Variants in WDR11 observed in about 807,000 individuals in gnomAD.
WDR11 encodes WD repeat-containing protein 11.
WDR11 carries 83 observed loss-of-function variants against 151.2 expected under a neutral mutation model. The observed-to-expected ratio is 0.55, with a 90% CI of 0.46 to 0.66. The LOEUF (loss-of-function observed/expected upper bound fraction) is 0.66, where lower values mean the gene tolerates loss of function less well. WDR11 is among the 30% of genes least tolerant of loss of function. WDR11 has a pLI of 0.00. For missense variants in WDR11, 1,301 were observed against 1,480.9 expected, an observed-to-expected ratio of 0.88 and a Z score of 1.99; for synonymous variants, 484 against 533.1, an observed-to-expected ratio of 0.91 and a Z score of 1.27.
intron 25 of WDR11, 144 bp from the exon 26 acceptor site, chr10:120,905,174 AT>A (rs1847985890): frequency 2.5e-6 from 2 of 803,488 alleles, no homozygotes; most frequent in Non-Finnish European, 4.2e-6. Flanking sequence ...TCTTAATATT[AT>A]GTTTCAGAAT....
chr10:120,883,587 G>T (rs1847105716), intron 13 of WDR11, among the ~76,000 whole-genome samples, 193 bp from the exon 14 acceptor site: 1 of 152,126 alleles, frequency 6.6e-6, no homozygotes, highest in Non-Finnish European at 1.5e-5. Flanking sequence ...GTGTGAGACT[G>T]TATGTTCTCT....
At position 120,880,791 on chromosome 10, in the gene WDR11, A is replaced by T. The variant is rs754264840; in HGVS notation, c.1664-35A>T. ...CTTGTTTTTCATACATGTTTTATGC[A>T]CTGTTCTCACTTTTTTAAATATTTG... On this transcript the variant is annotated intron_variant, in intron 12 of 28. Transcript: ENST00000263461. The T allele has an allele frequency of 2.6e-6, 4 of 1,554,724 alleles. No individual in the cohort carries two copies. In the East Asian group the frequency reaches 7.0e-5, roughly 27 times the overall value.
At chr10:120,900,492 C>T (rs1484081601) in intron 20 of WDR11, among the ~76,000 whole-genome samples, 1 of 152,152 alleles carries the variant, frequency 6.6e-6, no homozygotes, top group Non-Finnish European at 1.5e-5. Context: ...TCATTAGCTT[C>T]AGGGATATAC....
At chr10:120,886,980 G>C (rs1246574902) in intron 16 of WDR11, 144 bp downstream of exon 16, 3 of 853,486 alleles carry the variant, frequency 3.5e-6, no homozygotes, top group Non-Finnish European at 5.6e-6. Context: ...GATTAAACTT[G>C]TTCCATACTG....
intron 27 of WDR11, 199 bp downstream of exon 27, chr10:120,906,220 G>A (rs1253998058): frequency 2.1e-6 from 3 of 1,457,202 alleles, no homozygotes; most frequent in Non-Finnish European, 2.7e-6. Flanking sequence ...AGCTATGCTA[G>A]TTTCCTACTA....
chr10:120,869,013 AAC>A (rs755363581), intron 9 of WDR11, among the ~76,000 whole-genome samples: 3 of 152,154 alleles, frequency 2.0e-5, no homozygotes, highest in Non-Finnish European at 1.5e-5. Context: ...AAGAATTATA[AAC>A]ACACACAAGA....
At chr10:120,869,592 A>G (rs1263956281) in intron 9 of WDR11, among the ~76,000 whole-genome samples, 1 of 152,166 alleles carries the variant, frequency 6.6e-6, no homozygotes, top group Non-Finnish European at 1.5e-5. Context: ...AATTCAGGTA[A>G]ATAAAGAGGC....
At chr10:120,886,241 A>C (rs1847212180) in intron 15 of WDR11, among the ~76,000 whole-genome samples, 1 of 152,150 alleles carries the variant, frequency 6.6e-6, no homozygotes, top group East Asian at 1.9e-4. Context: ...CTGAAATTCA[A>C]ATGAACATAG....
At chr10:120,891,250 G>C (rs893408607) in intron 19 of WDR11, among the ~76,000 whole-genome samples, 2 of 152,120 alleles carry the variant, frequency 1.3e-5, no homozygotes, top group South Asian at 4.1e-4. Flanking sequence ...TTTAATAATG[G>C]CCTTATGTCT....
At chr10:120,883,930 T>C (rs770701557) in intron 14 of WDR11, 42 bp downstream of exon 14, 3 of 1,496,986 alleles carry the variant, frequency 2.0e-6, no homozygotes, top group East Asian at 2.3e-5. Flanking sequence ...TTTAGGTATA[T>C]ATGTATGTGG....
chr10:120,906,046 G>A, intron 27 of WDR11, 25 bp downstream of exon 27: 1 of 1,612,820 alleles, frequency 6.2e-7, no homozygotes, highest in Non-Finnish European at 8.5e-7. Context: ...CACATGGGCT[G>A]CTCAGGCCTG....
At chr10:120,904,213 CTGT>C in intron 24 of WDR11, 71 bp downstream of exon 24, 11 of 1,144,872 alleles carry the variant, frequency 9.6e-6, no homozygotes, top group Non-Finnish European at 1.3e-5. Flanking sequence ...AGCAATATAT[CTGT>C]ATGTATATAT....
chr10:120,860,298 T>A lies in WDR11; in HGVS notation c.526+16T>A. 2 of 1,611,796 alleles carry A rather than the reference T, an allele frequency of 1.2e-6. No homozygotes were observed. Among genetic ancestry groups the A allele is most frequent in the Non-Finnish European group, 1.7e-6 (2 of 1,179,778 alleles). On this transcript the variant is annotated intron_variant, in intron 4 of 28. Transcript: ENST00000263461. Reference sequence around the variant, plus strand: ...CATTTAACTTGTGAGTAACAGTTGCTTGTGGAAAATGAGTTAAGTGAGATA... The same window carrying A: ...CATTTAACTTGTGAGTAACAGTTGCATGTGGAAAATGAGTTAAGTGAGATA...
intron 13 of WDR11, among the ~76,000 whole-genome samples, chr10:120,882,412 T>G (rs1255191813): frequency 3.3e-5 from 5 of 151,982 alleles, no homozygotes; most frequent in African/African-American, 1.2e-4. Context: ...TAAAGTATTC[T>G]CTCTCCTTTT....
Position 120,851,446 on chromosome 10 carries a change from A to G in WDR11, c.26A>G (p.Lys9Arg), listed in dbSNP as rs776071885. The stretch of plus-strand genomic sequence containing the variant: ...ATGTTGCCCTACACAGTGAACTTCA[A>G]GGTGTCGGCGCGCACCCTCACGGGG... MLPYTVNF[K>R]VSARTLTGAL... is the part of the protein sequence containing the mutation. Residue 9 changes from lysine (K) to arginine (R), a missense_variant, in exon 1 of 29, where the codon AAG (lysine) becomes AGG (arginine). By Grantham distance (26) the Lys-to-Arg change is conservative (BLOSUM62 2). Transcript: ENST00000263461. 22 of 1,612,058 alleles carry G rather than the reference A, an allele frequency of 1.4e-5. No individual in the cohort carries two copies. Among genetic ancestry groups the G allele is most frequent in the Non-Finnish European group, 1.8e-5 (21 of 1,179,770 alleles).
intron 10 of WDR11, among the ~76,000 whole-genome samples, chr10:120,872,781 T>C (rs1158006555): frequency 6.6e-6 from 1 of 152,172 alleles, no homozygotes; most frequent in African/African-American, 2.4e-5. Flanking sequence ...TGCCAAAAGG[T>C]ATTATTATGA....
intron 2 of WDR11, among the ~76,000 whole-genome samples, chr10:120,854,616 T>C (rs1845887362): frequency 6.6e-6 from 1 of 152,166 alleles, no homozygotes; most frequent in Non-Finnish European, 1.5e-5. Context: ...TCATTAGTAG[T>C]GTATGAGGAG....
intron 11 of WDR11, among the ~76,000 whole-genome samples, chr10:120,876,541 G>A (rs1235509360): frequency 1.3e-5 from 2 of 152,152 alleles, no homozygotes; most frequent in African/African-American, 4.8e-5. Context: ...CTTCTCTTCT[G>A]TTGCAGTGTC....
intron 13 of WDR11, 105 bp downstream of exon 13, chr10:120,881,006 CT>C: frequency 1.0e-6 from 1 of 988,484 alleles, no homozygotes; most frequent in Non-Finnish European, 1.5e-6. Context: ...CATATGGAAT[CT>C]TTTTAGTGAT....
Sources: allele counts gnomAD v4.1 joint callset (sites outside exome capture counted in the v4.1 genomes callset), GRCh38; gene constraint gnomAD v4.1.1; transcripts MANE v1.5; gene names NCBI Gene and HGNC (gene_info 2026-07-23, HGNC 2026-07-21).